Variants in PRKDC observed in about 807,000 individuals in gnomAD.
PRKDC encodes protein kinase, DNA-activated, catalytic subunit, also known as DNA-dependent protein kinase catalytic subunit.
A neutral mutation model predicts 486.9 loss-of-function variants in PRKDC; 82 were observed. That is an observed-to-expected ratio of 0.17 (90% CI 0.14 to 0.20). The LOEUF (loss-of-function observed/expected upper bound fraction) is 0.20, where lower values mean the gene tolerates loss of function less well. PRKDC is among the 10% of genes least tolerant of loss of function. The pLI is 1.00. For synonymous variants in PRKDC, 1,895 were observed against 1,837.0 expected (o/e 1.03, Z -0.81); for missense variants, 4,504 against 5,038.2 (o/e 0.89, Z 3.21).
chr8:47,935,948 A>G, intron 12 of PRKDC, 48 bp from the exon 13 acceptor site: 1 of 1,491,316 alleles, frequency 6.7e-7, no homozygotes. Flanking sequence ...GTAATCAATG[A>G]ATACAGGAAT....
chr8:47,890,556 T>C, intron 31 of PRKDC, 76 bp from the exon 32 acceptor site: 1 of 1,155,138 alleles, frequency 8.7e-7, no homozygotes. Flanking sequence ...ATTGCTTCTG[T>C]AAGTATAGGC....
intron 85 of PRKDC, 96 bp downstream of exon 85, chr8:47,776,748 G>C: frequency 6.9e-7 from 1 of 1,439,548 alleles, no homozygotes. Flanking sequence ...TGCTAACAGA[G>C]TGTCAAGAGC....
intron 18 of PRKDC, 39 bp from the exon 19 acceptor site, chr8:47,929,217 A>G: frequency 7.3e-7 from 1 of 1,371,912 alleles, no homozygotes; most frequent in South Asian, 1.2e-5. Flanking sequence ...CTGAACAAGA[A>G]TCGGGAGACT....
At chr8:47,927,485 T>G (rs2154503417) in intron 20 of PRKDC, 132 bp from the exon 21 acceptor site, 1 of 1,101,444 alleles carries the variant, frequency 9.1e-7, no homozygotes, top group Admixed American at 2.9e-5. Flanking sequence ...GCTGGAGAGT[T>G]CAGTCCAGGT....
At chr8:47,915,933 T>C (rs540587593) in intron 22 of PRKDC, among the ~76,000 whole-genome samples, 2 of 152,362 alleles carry the variant, frequency 1.3e-5, no homozygotes, top group South Asian at 4.1e-4. Flanking sequence ...CAATGTCGAA[T>C]CTGAATTCTT....
chr8:47,833,920 T>C (rs996151553), intron 59 of PRKDC, among the ~76,000 whole-genome samples: 8 of 152,194 alleles, frequency 5.3e-5, no homozygotes, highest in African/African-American at 1.9e-4. Context: ...CCACCTCTTG[T>C]TACAATCACC....
At chr8:47,832,393 G>A (rs2087905783) in intron 59 of PRKDC, among the ~76,000 whole-genome samples, 1 of 152,140 alleles carries the variant, frequency 6.6e-6, no homozygotes, top group South Asian at 2.1e-4. Context: ...ATCACGACAG[G>A]TTCTAAGGAA....
chr8:47,774,609 G>A (rs1326340303), intron 85 of PRKDC, among the ~76,000 whole-genome samples: 2 of 152,048 alleles, frequency 1.3e-5, no homozygotes, highest in Non-Finnish European at 2.9e-5. Flanking sequence ...GAATTCCTAG[G>A]ATTCACCTAG....
intron 74 of PRKDC, among the ~76,000 whole-genome samples, chr8:47,791,029 C>T (rs2154497845): frequency 1.3e-5 from 2 of 152,180 alleles, no homozygotes; most frequent in South Asian, 4.2e-4. Context: ...TCAGTAATAC[C>T]CCACAGGCAC....
At position 47,933,951 on chromosome 8, in the gene PRKDC, A is replaced by G. The variant is rs773912218; in HGVS notation, c.1623+14T>C. The stretch of plus-strand genomic sequence containing the variant: ...AAGTAAGGTACATTTATGGCTTTCA[A>G]TGGTAAATGTTACCATCATCTGGTC... On this transcript the variant is annotated intron_variant, in intron 15 of 85. Transcript: ENST00000314191. 6.9e-6 allele frequency: 11 copies of G among 1,605,100 alleles called. No homozygotes were observed. The highest frequency in any genetic ancestry group is 6.8e-6 in the Non-Finnish European group (8 of 1,175,004).
chr8:47,845,276 A>T (rs1422412467), intron 54 of PRKDC, among the ~76,000 whole-genome samples: 2 of 152,140 alleles, frequency 1.3e-5, no homozygotes, highest in African/African-American at 4.8e-5. Flanking sequence ...GAAAAGAAAT[A>T]ACCAAAATCC....
intron 43 of PRKDC, 23 bp downstream of exon 43, chr8:47,862,350 T>C (rs1046734960): frequency 6.2e-7 from 1 of 1,602,216 alleles, no homozygotes; most frequent in Non-Finnish European, 8.5e-7. Flanking sequence ...ATAACAATAG[T>C]GCACACCGTA....
intron 72 of PRKDC, among the ~76,000 whole-genome samples, chr8:47,798,988 C>T (rs2087039699): frequency 6.6e-6 from 1 of 151,988 alleles, no homozygotes; most frequent in Non-Finnish European, 1.5e-5. Context: ...TTTTTGTATT[C>T]TTAGTAGAGT....
Position 47,828,247 on chromosome 8 carries a change from G to A in PRKDC, c.8498C>T (p.Thr2833Ile). 2 of 1,613,554 alleles carry A rather than the reference G, an allele frequency of 1.2e-6. No homozygotes were observed. Among genetic ancestry groups the A allele is most frequent in the Non-Finnish European group, 1.7e-6 (2 of 1,179,684 alleles). The change falls in exon 62 of 86, where the codon ACT becomes ATT. Residue 2833 changes from threonine to isoleucine, a missense_variant. Around this residue, in one of 6 missense-constraint regions of PRKDC, gnomAD observed 1,592 missense variants for 1,724.6 expected, o/e 0.92. Coordinates refer to ENST00000314191, the MANE Select transcript of PRKDC (RefSeq NM_006904.7). ...FKTLSEKNNI[T>I]QKLLQDFNRF... is the part of the protein sequence containing the mutation. ...ATTGAAGTCTTGAAGCAACTTTTGA[G>A]TGATGTTGTTTTTTTCAGACAGTGT...
chr8:47,864,638 T>C lies in PRKDC; in HGVS notation c.5489A>G (p.His1830Arg), dbSNP rs1482856356. The C allele has an allele frequency of 1.9e-6, 3 of 1,609,552 alleles. No individual in the cohort carries two copies. The highest frequency in any genetic ancestry group is 2.5e-6 in the Non-Finnish European group (3 of 1,178,092). The part of the protein sequence containing the change: ...VDRSLLTLLW[H>R]CSLDALREFF... ...TTCTCTCAAAGCATCCAGGCTACAG[T>C]GCCACAGCAGAGTGAGGAGGGAGCG... The change falls in exon 41 of 86, where the codon CAC (histidine) becomes CGC (arginine). Residue 1830 changes from histidine to arginine, a missense_variant. His to Arg is a conservative substitution (Grantham distance 29). Around this residue, in one of 6 missense-constraint regions of PRKDC, gnomAD observed 1,969 missense variants for 2,068.9 expected, o/e 0.95. Coordinates refer to ENST00000314191, the MANE Select transcript of PRKDC (RefSeq NM_006904.7).
Position 47,915,412 on chromosome 8 carries a change from C to T in PRKDC, c.2533G>A (p.Ala845Thr), listed in dbSNP as rs2154502880. 6.6e-7 allele frequency: 1 copy of T among 1,525,600 alleles called. No individual in the cohort carries two copies. The highest frequency in any genetic ancestry group is 8.9e-7 in the Non-Finnish European group (1 of 1,120,284). The allele number at this position is 1,525,600 out of a possible 1,614,324, so 94.5% of individuals were successfully genotyped here. The change falls in exon 23 of 86, where the codon GCA (alanine) becomes ACA (threonine). Residue 845 changes from alanine to threonine, a missense_variant. Ala to Thr is a moderately conservative substitution (Grantham distance 58). Coordinates refer to ENST00000314191, the MANE Select transcript of PRKDC (RefSeq NM_006904.7). Reference protein sequence around the residue: ...KKTKNLSSNEAISLEEIRIRV... With the variant: ...KKTKNLSSNETISLEEIRIRV... ...ATTCTTATTTCTTCTAAGGATATTG[C>T]TTCGTTCTGTAAATTTGAACAATTG... is the stretch of plus-strand genomic sequence containing the variant.
At chr8:47,822,528 A>C (rs2087625203) in intron 64 of PRKDC, among the ~76,000 whole-genome samples, 1 of 152,128 alleles carries the variant, frequency 6.6e-6, no homozygotes, top group African/African-American at 2.4e-5. Context: ...CGGTGGCTCA[A>C]GCCTGTAATC....
At position 47,846,576 on chromosome 8, in the gene PRKDC, T is replaced by C. The variant is rs1382171635; in HGVS notation, c.7280+2578A>G. ...TGAATGATGGTAAAAACTGGAAGCA[T>C]TCCCCTTGAAAACTGGAAAAGACAA... is the stretch of plus-strand genomic sequence containing the variant. On this transcript the variant is annotated intron_variant, in intron 54 of 85. Transcript: ENST00000314191. 2.0e-5 allele frequency among the ~76,000 whole-genome samples: 3 copies of C among 152,154 alleles called. No homozygotes were observed. In the South Asian group the frequency reaches 6.2e-4, roughly 31 times the overall value.
At chr8:47,952,525 A>G (rs562330185) in intron 7 of PRKDC, among the ~76,000 whole-genome samples, 2 of 152,294 alleles carry the variant, frequency 1.3e-5, no homozygotes, top group African/African-American at 4.8e-5. Flanking sequence ...CAATCTGTTC[A>G]ATACCTTGAT....
Sources: allele counts gnomAD v4.1 joint callset (sites outside exome capture counted in the v4.1 genomes callset), GRCh38; gene constraint gnomAD v4.1.1; regional missense constraint gnomAD v4.1.1; transcripts MANE v1.5; gene names NCBI Gene and HGNC (gene_info 2026-07-23, HGNC 2026-07-21).